LPP: variants seen among roughly 807,000 people sequenced by gnomAD.
The protein encoded by LPP is lipoma-preferred partner.
A neutral mutation model predicts 60.4 loss-of-function variants in LPP; 38 were observed. The ratio of observed to expected loss-of-function variants is 0.63; its 90% CI spans 0.49 to 0.83. The LOEUF is 0.83. Among genes scored for constraint, LPP ranks in the 40% least tolerant of loss-of-function variants. The probability of loss-of-function intolerance (pLI) is 0.00; values close to 1 mark genes in which losing one functional copy is unlikely to be tolerated. For missense variants in LPP, 902 were observed against 783.6 expected, an observed-to-expected ratio of 1.15 and a Z score of -1.80; for synonymous variants, 328 against 290.8, an observed-to-expected ratio of 1.13 and a Z score of -1.30.
chr3:188,777,666 A>C (rs971647823), intron 9 of LPP, among the ~76,000 whole-genome samples: 2 of 152,104 alleles, frequency 1.3e-5, no homozygotes, highest in African/African-American at 2.4e-5. Context: ...GTCTCTCTGC[A>C]TCCCCCGAGG....
chr3:188,302,951 G>A (rs1048044960), intron 2 of LPP, among the ~76,000 whole-genome samples: 3 of 151,914 alleles, frequency 2.0e-5, no homozygotes, highest in Non-Finnish European at 4.4e-5. Flanking sequence ...TGGAGATGGG[G>A]GTGGATAAAA....
intron 5 of LPP, among the ~76,000 whole-genome samples, chr3:188,498,756 A>T (rs897058298): frequency 2.0e-4 from 30 of 152,312 alleles, no homozygotes; most frequent in African/African-American, 6.7e-4. Flanking sequence ...CAGCAGCTGT[A>T]CTGTTTCCAT....
In LPP at chr3:188,227,493, G is replaced by A. The variant is rs144768933; in HGVS notation, c.-67+1966G>A. ...ATGAGCCAACAGTGGCTTTTGTTGG[G>A]AGTGGCTTCCGAAATGCTGATGCAG... On this transcript the variant is annotated intron_variant, in intron 2 of 11. Coordinates refer to ENST00000617246, the MANE Select transcript of LPP (RefSeq NM_001375462.1). 2.1e-3 allele frequency among the ~76,000 whole-genome samples: 319 copies of A among 151,984 alleles called. 3 individuals are homozygous for A. Among genetic ancestry groups the A allele is most frequent in the African/African-American group, 7.5e-3 (309 of 41,432 alleles).
chr3:188,328,224 C>G (rs978355115), intron 2 of LPP, among the ~76,000 whole-genome samples: 3 of 152,014 alleles, frequency 2.0e-5, no homozygotes, highest in Non-Finnish European at 4.4e-5. Flanking sequence ...ACTTTTTATA[C>G]CCTATTATAT....
intron 7 of LPP, among the ~76,000 whole-genome samples, chr3:188,620,146 A>G (rs933068204): frequency 2.6e-5 from 4 of 152,186 alleles, no homozygotes; most frequent in Admixed American, 2.0e-4. Flanking sequence ...TGCATACAGT[A>G]TAATTCGCCC....
intron 10 of LPP, among the ~76,000 whole-genome samples, chr3:188,867,499 A>G (rs6444335): frequency 0.33 from 50,769 of 151,708 alleles, 8,868 homozygotes; most frequent in Middle Eastern, 0.52. Flanking sequence ...ATGCACCACC[A>G]TGCCCAGCTA....
Position 188,519,910 on chromosome 3 carries a change from G to A in LPP, c.307-4755G>A, listed in dbSNP as rs144889735. On this transcript the variant is annotated intron_variant, in intron 5 of 11. Transcript: ENST00000617246. ...TCATAACCAATTGCTGGTACTCCTC[G>A]TCTATCACCTGTAGTTAGTGGGTTA... Among the ~76,000 whole-genome samples, 25 of 152,244 alleles carry A rather than the reference G, an allele frequency of 1.6e-4. 1 individual carries two copies. Among genetic ancestry groups the A allele is most frequent in the East Asian group, 5.8e-4 (3 of 5,174 alleles).
In LPP at chr3:188,217,387, A is replaced by G. The variant is rs202072167; in HGVS notation, c.-189-8018A>G. 2.6e-5 allele frequency among the ~76,000 whole-genome samples: 4 copies of G among 152,240 alleles called. No individual in the cohort carries two copies. Among genetic ancestry groups the G allele is most frequent in the African/African-American group, 9.6e-5 (4 of 41,548 alleles). On this transcript the variant is annotated intron_variant, in intron 1 of 11. Transcript: ENST00000617246. This position sits in a 1 kb window ranked among gnomAD's most constrained non-coding sequence, Gnocchi z 4.0. ...TGCAGGGGAAGAAGCAGGAGAAAAG[A>G]ATAGGGTCTAGCAGGTGGTGGTAAG...
chr3:188,343,106 C>G (rs553672495), intron 3 of LPP, among the ~76,000 whole-genome samples: 82 of 151,974 alleles, frequency 5.4e-4, no homozygotes, highest in Non-Finnish European at 9.7e-4. Flanking sequence ...GTTGCTGCAC[C>G]CTATCCACCC....
At chr3:188,282,560 T>C (rs1742469361) in intron 2 of LPP, among the ~76,000 whole-genome samples, 1 of 152,146 alleles carries the variant, frequency 6.6e-6, no homozygotes. Context: ...GTGTGTTTTC[T>C]TGGCCTCCCA....
At chr3:188,529,177 A>G (rs1345282198) in intron 6 of LPP, among the ~76,000 whole-genome samples, 1 of 152,200 alleles carries the variant, frequency 6.6e-6, no homozygotes, top group Non-Finnish European at 1.5e-5. Context: ...ATAGGCTGTG[A>G]GAACAATAAT....
chr3:188,769,269 C>T (rs1735122462), intron 9 of LPP, among the ~76,000 whole-genome samples: 2 of 152,268 alleles, frequency 1.3e-5, no homozygotes, highest in South Asian at 4.1e-4. Context: ...TATTATCACC[C>T]TTTATTATAC....
intron 1 of LPP, among the ~76,000 whole-genome samples, chr3:188,225,196 G>A (rs1436280523): frequency 1.3e-5 from 2 of 152,104 alleles, no homozygotes; most frequent in Non-Finnish European, 2.9e-5. Context: ...AGAACTAGGA[G>A]AGCTGAGATA....
chr3:188,711,441 T>C (rs1485358179), intron 8 of LPP: 1 of 152,204 alleles, frequency 6.6e-6, no homozygotes, highest in Non-Finnish European at 1.5e-5. Flanking sequence ...TGCAGATCTG[T>C]ACATTTACAC....
At chr3:188,312,138 T>A (rs1034829106) in intron 2 of LPP, among the ~76,000 whole-genome samples, 1 of 150,218 alleles carries the variant, frequency 6.7e-6, no homozygotes, top group Non-Finnish European at 1.5e-5. Context: ...TAAGCATGTG[T>A]ATACACACAC....
At chr3:188,268,216 C>T (rs757070980) in intron 2 of LPP, among the ~76,000 whole-genome samples, 4 of 151,880 alleles carry the variant, frequency 2.6e-5, no homozygotes, top group Non-Finnish European at 5.9e-5. Flanking sequence ...GAGCTTTTCC[C>T]AGCTAAGATC....
chr3:188,438,451 C>T (rs1792928410), intron 4 of LPP, among the ~76,000 whole-genome samples: 1 of 149,132 alleles, frequency 6.7e-6, no homozygotes. Context: ...TATTAATATC[C>T]ATTTTCTGGA....
intron 1 of LPP, among the ~76,000 whole-genome samples, chr3:188,206,512 C>T (rs1044528165): frequency 9.2e-5 from 14 of 152,308 alleles, no homozygotes; most frequent in African/African-American, 2.9e-4. Flanking sequence ...TACACCGGCT[C>T]ACAAGAAAGG....
intron 4 of LPP, among the ~76,000 whole-genome samples, chr3:188,450,487 G>T (rs1255313288): frequency 6.6e-6 from 1 of 152,120 alleles, no homozygotes; most frequent in African/African-American, 2.4e-5. Flanking sequence ...GCTCACGCCT[G>T]TAATCCTAGC....
Sources: allele counts gnomAD v4.1 joint callset (sites outside exome capture counted in the v4.1 genomes callset), GRCh38; gene constraint gnomAD v4.1.1; non-coding constraint Gnocchi (gnomAD v3.1); transcripts MANE v1.5; gene names NCBI Gene and HGNC (gene_info 2026-07-23, HGNC 2026-07-21).